Variants in ISG20 observed in about 807,000 individuals in gnomAD.
The protein encoded by ISG20 is interferon-stimulated gene 20 kDa protein.
A neutral mutation model predicts 11.1 loss-of-function variants in ISG20; 8 were observed. The observed-to-expected ratio is 0.72, with a 90% confidence interval of 0.42 to 1.30. ISG20 has a LOEUF of 1.30. Among genes scored for constraint, ISG20 ranks in the 50% most tolerant of loss-of-function variants. The pLI, the probability that ISG20 is intolerant of heterozygous loss-of-function variation, is 0.01. For missense variants in ISG20, 243 were observed against 250.2 expected, an observed-to-expected ratio of 0.97 and a Z score of 0.19; for synonymous variants, 110 against 101.7, an observed-to-expected ratio of 1.08 and a Z score of -0.49.
At chr15:88,646,457 TAA>T (rs1371010792) in intron 2 of ISG20, among the ~76,000 whole-genome samples, 1 of 152,150 alleles carries the variant, frequency 6.6e-6, no homozygotes, top group Non-Finnish European at 1.5e-5. Context: ...CTATAAATGC[TAA>T]GTGTCCAATG....
rs556754874 is a variant in ISG20 at position 88,644,415 on chromosome 15, G to A, written c.228+4821G>A. ...GGGCATGGTGGCATGTGCCTGTAAT[G>A]TAGCTACTTGGGAGGCTGAGGCAGG... On this transcript the variant is annotated intron_variant, in intron 2 of 3. Coordinates refer to ENST00000306072, the MANE Select transcript of ISG20 (RefSeq NM_002201.6). 3.5e-4 allele frequency among the ~76,000 whole-genome samples: 53 copies of A among 151,722 alleles called. No homozygotes were observed. In the South Asian group the frequency reaches 9.6e-3, roughly 27 times the overall value.
chr15:88,655,399 A>G lies in ISG20; in HGVS notation c.430-16A>G, dbSNP rs1303772689. On this transcript the variant is annotated splice_polypyrimidine_tract_variant and intron_variant, in intron 3 of 3. Transcript: ENST00000306072. The stretch of plus-strand genomic sequence containing the variant: ...CAGCCTCATCCCAAGTCCCCACTCT[A>G]TACTTGTGTCTGCAGAACAGCCTGC... The G allele has an allele frequency of 6.2e-7, 1 of 1,610,548 alleles. No homozygotes were observed. The highest frequency in any genetic ancestry group is 8.5e-7 in the Non-Finnish European group (1 of 1,177,060).
intron 2 of ISG20, among the ~76,000 whole-genome samples, chr15:88,642,002 C>T (rs908325197): frequency 1.4e-5 from 2 of 144,940 alleles, no homozygotes; most frequent in Admixed American, 7.2e-5. Context: ...GGCACGATCT[C>T]GGCTCACTGC....
chr15:88,641,926 CTTTTTTTTTTTTTTTTT>C (rs140178121), intron 2 of ISG20, among the ~76,000 whole-genome samples: 1 of 102,848 alleles, frequency 9.7e-6, no homozygotes, highest in Admixed American at 1.1e-4. Flanking sequence ...TTAGCTTCCT[CTTTTTTTTTTTTTTTTT>C]TTTTTTTTTT....
At chr15:88,649,934 C>T (rs745438928) in intron 2 of ISG20, 27 of 401,946 alleles carry the variant, frequency 6.7e-5, no homozygotes, top group Non-Finnish European at 1.1e-4. Flanking sequence ...GACTGCTTCC[C>T]GCATAGTGAC....
chr15:88,637,398 G>T (rs1459843247), upstream of ISG20: 2 of 151,272 alleles, frequency 1.3e-5, no homozygotes, highest in African/African-American at 4.9e-5. Context: ...AAGTGCCTCG[G>T]TGATGAACAG....
Position 88,643,542 on chromosome 15 carries a change from G to C in ISG20, c.228+3948G>C, listed in dbSNP as rs1303284714. Among the ~76,000 whole-genome samples the C allele has an allele frequency of 6.6e-6, 1 of 151,866 alleles. No individual in the cohort carries two copies. Among genetic ancestry groups the C allele is most frequent in the African/African-American group, 2.4e-5 (1 of 41,336 alleles). On this transcript the variant is annotated intron_variant, in intron 2 of 3. Coordinates refer to ENST00000306072, the MANE Select transcript of ISG20 (RefSeq NM_002201.6). The surrounding 1 kb of genome is among the most constrained non-coding windows in gnomAD (Gnocchi z 4.4). ...AACATGGTGAAAACCCATCTCTACT[G>C]AAAATGCAAAAATTAGCCGGGTGTG...
upstream of ISG20, among the ~76,000 whole-genome samples, chr15:88,638,342 A>G (rs1053072463): frequency 3.9e-4 from 60 of 152,264 alleles, no homozygotes; most frequent in Admixed American, 3.5e-3. Context: ...CTAAGAGCTC[A>G]AAGTCCTAGC....
rs1198355920 is a variant in ISG20 at position 88,643,549 on chromosome 15, C to A, written c.228+3955C>A. On this transcript the variant is annotated intron_variant, in intron 2 of 3. Coordinates refer to ENST00000306072, the MANE Select transcript of ISG20 (RefSeq NM_002201.6). This position sits in a 1 kb window ranked among gnomAD's most constrained non-coding sequence, Gnocchi z 4.4. The stretch of plus-strand genomic sequence containing the variant: ...TGAAAACCCATCTCTACTGAAAATG[C>A]AAAAATTAGCCGGGTGTGGTGGTGG... 6.6e-6 allele frequency among the ~76,000 whole-genome samples: 1 copy of A among 151,984 alleles called. No individual in the cohort carries two copies. Among genetic ancestry groups the A allele is most frequent in the Non-Finnish European group, 1.5e-5 (1 of 67,988 alleles).
chr15:88,652,965 G>A (rs139451513), intron 3 of ISG20, among the ~76,000 whole-genome samples: 5 of 151,932 alleles, frequency 3.3e-5, no homozygotes, highest in Non-Finnish European at 7.4e-5. Flanking sequence ...CACTGATTCC[G>A]CAGCACTTCT....
chr15:88,639,304 G>T lies in ISG20; in HGVS notation c.-24-39G>T. 2 of 1,332,498 alleles carry T rather than the reference G, an allele frequency of 1.5e-6. No individual in the cohort carries two copies. The highest frequency in any genetic ancestry group is 1.0e-6 in the Non-Finnish European group (1 of 966,036). 82.5% of individuals were successfully genotyped at this position (1,332,498 alleles called of 1,614,324 possible). ...CTGAGGACACCTGGAGGCTTGGTTT[G>T]CCCAAGCGTGAGACCGCCCCCCATA... On this transcript the variant is annotated intron_variant, in intron 1 of 3. Transcript: ENST00000306072. The surrounding 1 kb of genome is among the most constrained non-coding windows in gnomAD (Gnocchi z 4.2).
upstream of ISG20, among the ~76,000 whole-genome samples, chr15:88,636,505 G>C (rs2057987608): frequency 6.6e-6 from 1 of 152,180 alleles, no homozygotes; most frequent in Non-Finnish European, 1.5e-5. Flanking sequence ...CAGTTTCAGA[G>C]GGTGCTAATT....
upstream of ISG20, among the ~76,000 whole-genome samples, chr15:88,638,332 C>G (rs922712602): frequency 6.6e-6 from 1 of 152,252 alleles, no homozygotes; most frequent in Non-Finnish European, 1.5e-5. Context: ...AGGCACTGTT[C>G]TAAGAGCTCA....
upstream of ISG20, among the ~76,000 whole-genome samples, chr15:88,638,312 C>T (rs1257183123): frequency 3.3e-5 from 5 of 152,336 alleles, no homozygotes; most frequent in Non-Finnish European, 7.3e-5. Context: ...CCAAGCCCTC[C>T]CTATCTGGCA....
Position 88,652,210 on chromosome 15 carries a change from C to G in ISG20, c.329C>G (p.Thr110Arg), listed in dbSNP as rs772920253. The G allele has an allele frequency of 6.2e-7, 1 of 1,614,070 alleles. No individual in the cohort carries two copies. Among genetic ancestry groups the G allele is most frequent in the Non-Finnish European group, 8.5e-7 (1 of 1,179,974 alleles). ...EDMSGYTIYD[T>R]STDRLLWREA... is the part of the protein sequence containing the mutation. ...ATGAGCGGCTACACAATCTACGACACGTCCACTGACAGGCTGTTGTGGCGT... is the reference window on the plus strand; with the variant it reads ...ATGAGCGGCTACACAATCTACGACAGGTCCACTGACAGGCTGTTGTGGCGT... The change falls in exon 3 of 4, where the codon ACG (threonine) becomes AGG (arginine). Residue 110 changes from threonine to arginine, a missense_variant. Transcript: ENST00000306072.
chr15:88,655,525 A>G lies in ISG20; in HGVS notation c.540A>G (p.Ser180=). 1 of 1,613,392 alleles carries G rather than the reference A, an allele frequency of 6.2e-7. No individual in the cohort carries two copies. Among genetic ancestry groups the G allele is most frequent in the Non-Finnish European group, 8.5e-7 (1 of 1,179,684 alleles). The change falls in exon 4 of 4, where the codon TCA becomes TCG. Residue 180 remains serine (S), a synonymous_variant. Transcript: ENST00000306072. ...GAGGGCTGCCCCGCCTGGCTGTGTC[A>G]GACTGAAGCCCCATCCAGCCCGTTC... is the stretch of plus-strand genomic sequence containing the variant. ...ARRGLPRLAV[S]D is the part of the protein sequence containing the mutation.
At position 88,643,607 on chromosome 15, in the gene ISG20, C is replaced by T. The variant is rs371295137; in HGVS notation, c.228+4013C>T. On this transcript the variant is annotated intron_variant, in intron 2 of 3. Coordinates refer to ENST00000306072, the MANE Select transcript of ISG20 (RefSeq NM_002201.6). This position sits in a 1 kb window ranked among gnomAD's most constrained non-coding sequence, Gnocchi z 4.4. ...TAATCCAAGCTACTCAGGAGGCTGA[C>T]GCAGGAGAATCGCTTAAACCCAGGA... 9.3e-4 allele frequency among the ~76,000 whole-genome samples: 141 copies of T among 152,088 alleles called. 3 individuals carry two copies. The South Asian group carries it at 0.025, about 27-fold the overall frequency.
chr15:88,652,177 AAG>A lies in ISG20; in HGVS notation c.299_300del (p.Glu100GlyfsTer13). 6.2e-7 allele frequency: 1 copy of A among 1,614,058 alleles called. No homozygotes were observed. Among genetic ancestry groups the A allele is most frequent in the Non-Finnish European group, 8.5e-7 (1 of 1,179,974 alleles). Reference sequence around the variant, plus strand: ...CTGAAGCACGACTTCCAGGCACTGAAAGAGGACATGAGCGGCTACACAATCTA... The same window carrying A: ...CTGAAGCACGACTTCCAGGCACTGAAAGGACATGAGCGGCTACACAATCTA... On this transcript the variant is annotated frameshift_variant, in exon 3 of 4. Transcript: ENST00000306072. LOFTEE classifies it high-confidence loss of function.
Position 88,650,163 on chromosome 15 carries a change from G to A in ISG20, c.229-1947G>A. The A allele has an allele frequency of 7.7e-7, 1 of 1,292,250 alleles. No homozygotes were observed. Among genetic ancestry groups the A allele is most frequent in the Non-Finnish European group, 1.1e-6 (1 of 925,158 alleles). 80.0% of individuals were successfully genotyped at this position (1,292,250 alleles called of 1,614,324 possible). ...AGGAGACGAAGGCTGTCCTAGAGCT[G>A]TCCAAAGTGGGCCTGGACTAGCCAC... On this transcript the variant is annotated intron_variant, in intron 2 of 3. Transcript: ENST00000306072. The surrounding 1 kb of genome is among the most constrained non-coding windows in gnomAD (Gnocchi z 4.0).
Sources: allele counts gnomAD v4.1 joint callset (sites outside exome capture counted in the v4.1 genomes callset), GRCh38; gene constraint gnomAD v4.1.1; non-coding constraint Gnocchi (gnomAD v3.1); transcripts MANE v1.5; gene names NCBI Gene and HGNC (gene_info 2026-07-23, HGNC 2026-07-21).